The following NCAM2 variants were observed in gnomAD, a reference collection of about 807,000 sequenced individuals.
NCAM2 encodes N-CAM-2.
NCAM2 carries 30 observed loss-of-function variants against 98.1 expected under a neutral mutation model. The ratio of observed to expected loss-of-function variants is 0.31; its 90% CI spans 0.23 to 0.41. The LOEUF is 0.41. Ranked by LOEUF, NCAM2 falls within the 10% of genes least tolerant of loss-of-function variation. The pLI is 1.00. For synonymous variants in NCAM2, 368 were observed against 342.4 expected (o/e 1.07, Z -0.83); for missense variants, 867 against 1,005.8 (o/e 0.86, Z 1.87).
At chr21:21,100,712 A>G (rs1165105974) in intron 1 of NCAM2, among the ~76,000 whole-genome samples, 1 of 151,982 alleles carries the variant, frequency 6.6e-6, no homozygotes, top group Non-Finnish European at 1.5e-5. Flanking sequence ...CATTGTGCTT[A>G]AACTGCCCTT....
At chr21:21,042,541 G>C in intron 1 of NCAM2, among the ~76,000 whole-genome samples, 1 of 152,054 alleles carries the variant, frequency 6.6e-6, no homozygotes, top group East Asian at 1.9e-4. Flanking sequence ...GAATTTAGAG[G>C]TAAATATTAA....
intron 9 of NCAM2, among the ~76,000 whole-genome samples, chr21:21,390,870 A>G (rs2076365711): frequency 1.3e-5 from 2 of 152,188 alleles, no homozygotes; most frequent in African/African-American, 4.8e-5. Context: ...TAGTTTTAAA[A>G]TAGTATTCAC....
chr21:21,125,044 A>C (rs2066759050), intron 1 of NCAM2, among the ~76,000 whole-genome samples: 1 of 152,068 alleles, frequency 6.6e-6, no homozygotes, highest in African/African-American at 2.4e-5. Flanking sequence ...CCAGTTTCTA[A>C]GTGTTTTATT....
chr21:21,188,437 G>A (rs2146951173), intron 1 of NCAM2, among the ~76,000 whole-genome samples: 1 of 152,130 alleles, frequency 6.6e-6, no homozygotes, highest in South Asian at 2.1e-4. Context: ...GAAACAAAAA[G>A]TAATATTTAT....
At chr21:21,104,434 C>T (rs1186283535) in intron 1 of NCAM2, among the ~76,000 whole-genome samples, 1 of 152,046 alleles carries the variant, frequency 6.6e-6, no homozygotes, top group African/African-American at 2.4e-5. Context: ...GCTAACACAT[C>T]GATAACTTCT....
chr21:21,031,275 G>C (rs1282209523), intron 1 of NCAM2, among the ~76,000 whole-genome samples: 2 of 152,106 alleles, frequency 1.3e-5, no homozygotes, highest in Non-Finnish European at 2.9e-5. Context: ...TTTATAACCT[G>C]CTCTAATATT....
In NCAM2 at chr21:21,373,844, C is replaced by T; in HGVS notation, c.1045-19C>T. 6.4e-7 allele frequency: 1 copy of T among 1,568,552 alleles called. No homozygotes were observed. Among genetic ancestry groups the T allele is most frequent in the South Asian group, 1.2e-5 (1 of 84,540 alleles). Reference sequence around the variant, plus strand: ...ACACAAGCATAAAATCTTTCTTTTTCCTGAATCGATGTAAACAGAGCCTGG... The same window carrying T: ...ACACAAGCATAAAATCTTTCTTTTTTCTGAATCGATGTAAACAGAGCCTGG... On this transcript the variant is annotated intron_variant, in intron 8 of 17. Transcript: ENST00000400546.
chr21:21,209,892 G>A (rs1465214890), intron 1 of NCAM2, among the ~76,000 whole-genome samples: 2 of 152,114 alleles, frequency 1.3e-5, no homozygotes, highest in African/African-American at 2.4e-5. Flanking sequence ...CAGTAACATG[G>A]CATTATGGTA....
intron 16 of NCAM2, among the ~76,000 whole-genome samples, chr21:21,532,442 G>A (rs937356593): frequency 3.3e-5 from 5 of 151,974 alleles, no homozygotes; most frequent in Non-Finnish European, 4.4e-5. Context: ...AATAAGAATT[G>A]TAAAGGCTAC....
At position 21,005,004 on chromosome 21, in the gene NCAM2, A is replaced by AG. The variant is rs201833209; in HGVS notation, c.55+6390dup. 8.9e-4 allele frequency among the ~76,000 whole-genome samples: 136 copies of AG among 152,246 alleles called. 3 individuals carry two copies. In the East Asian group the frequency reaches 0.024, roughly 26 times the overall value. On this transcript the variant is annotated intron_variant, in intron 1 of 17. Coordinates refer to ENST00000400546, the MANE Select transcript of NCAM2 (RefSeq NM_004540.5). ...ATGAGTGAACAAATTGTAAGAAGGG[A>AG]GGGGCGCGTTGAGAGAATAGAAATA...
chr21:21,441,254 CA>C (rs141624432), intron 12 of NCAM2, among the ~76,000 whole-genome samples: 78 of 152,200 alleles, frequency 5.1e-4, no homozygotes, highest in African/African-American at 1.8e-3. Flanking sequence ...ATACCAAAAA[CA>C]AAAACAATAC....
At chr21:21,456,837 T>C (rs1982220396) in intron 12 of NCAM2, among the ~76,000 whole-genome samples, 1 of 152,094 alleles carries the variant, frequency 6.6e-6, no homozygotes, top group Admixed American at 6.6e-5. Flanking sequence ...TCTACATCTA[T>C]GTGAGGGTGG....
intron 5 of NCAM2, among the ~76,000 whole-genome samples, chr21:21,312,267 T>G (rs1287420330): frequency 6.6e-6 from 1 of 151,860 alleles, no homozygotes; most frequent in Non-Finnish European, 1.5e-5. Context: ...TATTACATGA[T>G]TTTTTCTTTA....
chr21:21,086,336 G>T (rs2065905299), intron 1 of NCAM2, among the ~76,000 whole-genome samples: 1 of 152,074 alleles, frequency 6.6e-6, no homozygotes, highest in Non-Finnish European at 1.5e-5. Context: ...TTAAATGAAG[G>T]GCATTTTATC....
At chr21:21,397,579 C>T (rs1340827894) in intron 9 of NCAM2, among the ~76,000 whole-genome samples, 1 of 152,208 alleles carries the variant, frequency 6.6e-6, no homozygotes, top group Non-Finnish European at 1.5e-5. Flanking sequence ...AAAATCGGAG[C>T]AGGCACCAGG....
At chr21:21,220,528 AC>A in intron 1 of NCAM2, among the ~76,000 whole-genome samples, 1 of 152,266 alleles carries the variant, frequency 6.6e-6, no homozygotes, top group South Asian at 2.1e-4. Context: ...TGATAAAATT[AC>A]CTAAGGACAC....
At chr21:21,404,994 T>C (rs2076710490) in intron 9 of NCAM2, among the ~76,000 whole-genome samples, 1 of 151,932 alleles carries the variant, frequency 6.6e-6, no homozygotes, top group African/African-American at 2.4e-5. Context: ...CATTTTACAT[T>C]TTTAAAGCCA....
intron 4 of NCAM2, among the ~76,000 whole-genome samples, chr21:21,288,254 G>A (rs553366081): frequency 2.6e-5 from 4 of 151,858 alleles, no homozygotes; most frequent in Admixed American, 1.3e-4. Flanking sequence ...TTGAATCCAC[G>A]AATGTGGAAT....
chr21:21,225,977 A>T (rs2070365549), intron 1 of NCAM2, among the ~76,000 whole-genome samples: 1 of 152,144 alleles, frequency 6.6e-6, no homozygotes, highest in Non-Finnish European at 1.5e-5. Flanking sequence ...CTAGGCCACC[A>T]TAAAAAGAAT....
Sources: gnomAD v4.1 joint callset for allele counts (sites outside exome capture counted in the v4.1 genomes callset) on GRCh38, gnomAD v4.1.1 for gene constraint, MANE v1.5 for transcripts, NCBI Gene and HGNC (gene_info 2026-07-23, HGNC 2026-07-21) for gene names.